SH3GL1: variants seen among roughly 807,000 people sequenced by gnomAD.
SH3GL1 encodes SH3 domain containing GRB2 like 1, endophilin A2, also known as endophilin-A2.
A neutral mutation model predicts 48.8 loss-of-function variants in SH3GL1; 21 were observed. The ratio of observed to expected loss-of-function variants is 0.43; its 90% CI spans 0.30 to 0.62. SH3GL1 has a LOEUF of 0.62. SH3GL1 is among the 20% of genes least tolerant of loss of function. The probability of loss-of-function intolerance (pLI) is 0.11; values close to 1 mark genes in which losing one functional copy is unlikely to be tolerated. For missense variants in SH3GL1, 454 were observed against 503.0 expected (o/e 0.90, Z 0.93); for synonymous variants, 282 against 217.5 (o/e 1.30, Z -2.61).
At chr19:4,387,324 G>A (rs928736319) in intron 1 of SH3GL1, among the ~76,000 whole-genome samples, 1 of 146,096 alleles carries the variant, frequency 6.8e-6, no homozygotes, top group East Asian at 2.1e-4. Context: ...TTTTAGGCAG[G>A]GTCTTGCTCT....
Position 4,361,868 on chromosome 19 carries a change from G to A in SH3GL1, c.911-72C>T, listed in dbSNP as rs902953882. The A allele has an allele frequency of 3.6e-6, 4 of 1,120,428 alleles. No individual in the cohort carries two copies. The African/African-American group carries it at 6.1e-5, about 17-fold the overall frequency. 69.4% of individuals were successfully genotyped at this position (1,120,428 alleles called of 1,614,324 possible). On this transcript the variant is annotated intron_variant, in intron 9 of 9. Coordinates refer to ENST00000269886, the MANE Select transcript of SH3GL1 (RefSeq NM_003025.4). ...CCGCCCAGTCTGGGGTCTCAGACCT[G>A]CTGTGACCTGGAGCGTGTGGGTGGG...
In SH3GL1 at chr19:4,389,544, C is replaced by G. The variant is rs1973297622; in HGVS notation, c.45+10780G>C. ...GGAAGAGTAGCATTTAAACCTGGGA[C>G]CAAGGCAGGGGCTCCAGAAGCTCCC... On this transcript the variant is annotated intron_variant, in intron 1 of 9. Transcript: ENST00000269886. This position sits in a 1 kb window ranked among gnomAD's most constrained non-coding sequence, Gnocchi z 4.5. Among the ~76,000 whole-genome samples the G allele has an allele frequency of 6.6e-6, 1 of 152,116 alleles. No homozygotes were observed. The highest frequency in any genetic ancestry group is 2.1e-4 in the South Asian group (1 of 4,822).
At chr19:4,374,609 C>T (rs1274821859) in intron 1 of SH3GL1, among the ~76,000 whole-genome samples, 2 of 152,236 alleles carry the variant, frequency 1.3e-5, no homozygotes, top group Non-Finnish European at 2.9e-5. Flanking sequence ...TCTCCCGGGA[C>T]AGCCTCCTCC....
intron 1 of SH3GL1, among the ~76,000 whole-genome samples, chr19:4,368,607 G>A (rs906416368): frequency 2.0e-5 from 3 of 152,182 alleles, no homozygotes; most frequent in Non-Finnish European, 4.4e-5. Context: ...CCCACACCAC[G>A]GGACTGTCCT....
intron 1 of SH3GL1, among the ~76,000 whole-genome samples, chr19:4,386,392 A>G (rs1206126929): frequency 9.2e-5 from 14 of 151,960 alleles, no homozygotes; most frequent in Non-Finnish European, 7.4e-5. Flanking sequence ...ATCAGTCAGC[A>G]GTTCTGCTTC....
chr19:4,372,512 G>A (rs1480207606), intron 1 of SH3GL1, among the ~76,000 whole-genome samples: 1 of 152,206 alleles, frequency 6.6e-6, no homozygotes, highest in South Asian at 2.1e-4. Context: ...CGGGGTGGAG[G>A]CCCCAGGGAG....
At chr19:4,371,387 G>A (rs1393518585) in intron 1 of SH3GL1, among the ~76,000 whole-genome samples, 1 of 152,248 alleles carries the variant, frequency 6.6e-6, no homozygotes, top group East Asian at 1.9e-4. Context: ...AGGAGCAGGA[G>A]GAAAATTCCG....
chr19:4,362,437 C>T (rs779087048), intron 8 of SH3GL1, 52 bp from the exon 9 acceptor site: 2 of 1,586,610 alleles, frequency 1.3e-6, no homozygotes, highest in South Asian at 1.1e-5. Context: ...TCGGGCAGGG[C>T]CCCTTCTGCA....
intron 1 of SH3GL1, among the ~76,000 whole-genome samples, chr19:4,393,845 C>A (rs1973380685): frequency 6.6e-6 from 1 of 151,910 alleles, no homozygotes; most frequent in Non-Finnish European, 1.5e-5. Context: ...AAAAATAGGT[C>A]AGAACAAGCA....
At chr19:4,375,422 G>A (rs946072869) in intron 1 of SH3GL1, among the ~76,000 whole-genome samples, 14 of 152,372 alleles carry the variant, frequency 9.2e-5, no homozygotes, top group Admixed American at 9.1e-4. Context: ...GGTGGAAGGG[G>A]AGGGGCAACG....
chr19:4,399,793 G>A (rs1385554045), intron 1 of SH3GL1, among the ~76,000 whole-genome samples: 1 of 152,264 alleles, frequency 6.6e-6, no homozygotes, highest in Non-Finnish European at 1.5e-5. Flanking sequence ...CGTATCTTAG[G>A]AAAGGGACAT....
Position 4,360,751 on chromosome 19 carries a change from T to G in SH3GL1, c.*849A>C. ...TGGGACATGCGCTCACTGGAACCTT[T>G]GTGCTTGGCCCTCGGCAGCGCGGCT... is the stretch of plus-strand genomic sequence containing the variant. On this transcript the variant is annotated 3_prime_UTR_variant, in exon 10 of 10. Coordinates refer to ENST00000269886, the MANE Select transcript of SH3GL1 (RefSeq NM_003025.4). 4.3e-6 allele frequency: 1 copy of G among 233,432 alleles called. No individual in the cohort carries two copies. The highest frequency in any genetic ancestry group is 8.5e-6 in the Non-Finnish European group (1 of 118,160). 14.5% of individuals were successfully genotyped at this position (233,432 alleles called of 1,614,324 possible). A position where few individuals can be genotyped will look rare whatever the true frequency, so the allele number is the denominator to read the frequency against.
chr19:4,367,135 A>G lies in SH3GL1; in HGVS notation c.46-141T>C. 2 of 742,860 alleles carry G rather than the reference A, an allele frequency of 2.7e-6. No individual in the cohort carries two copies. The highest frequency in any genetic ancestry group is 1.4e-5 in the South Asian group (1 of 69,886). 46.0% of individuals were successfully genotyped at this position (742,860 alleles called of 1,614,324 possible). ...AGTGATCAGGACACACACCTCAGGC[A>G]CTGCCGTGGGCACCCCAGGGCCACA... On this transcript the variant is annotated intron_variant, in intron 1 of 9. Coordinates refer to ENST00000269886, the MANE Select transcript of SH3GL1 (RefSeq NM_003025.4). This position sits in a 1 kb window ranked among gnomAD's most constrained non-coding sequence, Gnocchi z 4.2.
Position 4,362,725 on chromosome 19 carries a change from G to A in SH3GL1, c.740C>T (p.Ala247Val). 6.2e-7 allele frequency: 1 copy of A among 1,613,986 alleles called. No homozygotes were observed. The highest frequency in any genetic ancestry group is 1.1e-5 in the South Asian group (1 of 91,088). ...ATACTCCCGCTTAGGGCGTGAGGAA[G>A]CTTCCCGCATCCTGTGAAGGGAGAG... ...AEKLKRRMREASSRPKREYKP... is the reference protein window; with the variant it reads ...AEKLKRRMREVSSRPKREYKP... The change falls in exon 8 of 10, where the codon GCT (alanine) becomes GTT (valine). Residue 247 changes from alanine (A) to valine (V), a missense_variant. Ala to Val is a moderately conservative substitution (Grantham distance 64). Coordinates refer to ENST00000269886, the MANE Select transcript of SH3GL1 (RefSeq NM_003025.4).
chr19:4,377,684 G>A (rs760498695), intron 1 of SH3GL1, among the ~76,000 whole-genome samples: 21 of 152,160 alleles, frequency 1.4e-4, no homozygotes, highest in African/African-American at 4.3e-4. Context: ...CTGCCCCCTC[G>A]CCAGGTCACG....
At chr19:4,388,347 G>T (rs1973273447) in intron 1 of SH3GL1, among the ~76,000 whole-genome samples, 1 of 152,202 alleles carries the variant, frequency 6.6e-6, no homozygotes, top group Non-Finnish European at 1.5e-5. Context: ...GCCTGCTGTG[G>T]TCTGCGAGTC....
chr19:4,361,483 G>A lies in SH3GL1; in HGVS notation c.*117C>T. ...GGAGTACCTCAAGGGCCGGGGCCCA[G>A]GTGGCGCCGGCAGGCTCAGACACCG... is the stretch of plus-strand genomic sequence containing the variant. On this transcript the variant is annotated 3_prime_UTR_variant, in exon 10 of 10. Coordinates refer to ENST00000269886, the MANE Select transcript of SH3GL1 (RefSeq NM_003025.4). 1 of 750,500 alleles carries A rather than the reference G, an allele frequency of 1.3e-6. No individual in the cohort carries two copies. Among genetic ancestry groups the A allele is most frequent in the Non-Finnish European group, 2.2e-6 (1 of 459,714 alleles). 46.5% of individuals were successfully genotyped at this position (750,500 alleles called of 1,614,324 possible).
At chr19:4,368,477 C>T (rs2144872410) in intron 1 of SH3GL1, among the ~76,000 whole-genome samples, 1 of 152,346 alleles carries the variant, frequency 6.6e-6, no homozygotes, top group East Asian at 1.9e-4. Flanking sequence ...CCAAGTTCTG[C>T]AAAAGGTAGC....
intron 1 of SH3GL1, among the ~76,000 whole-genome samples, chr19:4,387,402 G>C (rs1973256173): frequency 6.6e-6 from 1 of 152,148 alleles, no homozygotes; most frequent in African/African-American, 2.4e-5. Flanking sequence ...GGACTTAAGT[G>C]ATCCTCCCAC....
Sources: allele counts gnomAD v4.1 joint callset (sites outside exome capture counted in the v4.1 genomes callset), GRCh38; gene constraint gnomAD v4.1.1; non-coding constraint Gnocchi (gnomAD v3.1); transcripts MANE v1.5; gene names NCBI Gene and HGNC (gene_info 2026-07-23, HGNC 2026-07-21).